LIMCH1: variants seen among roughly 807,000 people sequenced by gnomAD.
LIMCH1 encodes the protein LIM and calponin homology domains 1, also known as LIM and calponin homology domains-containing protein 1.
In LIMCH1, 113 loss-of-function variants were observed where a neutral mutation model predicts 176.5. The observed-to-expected ratio is 0.64, with a 90% CI of 0.55 to 0.75. The LOEUF is 0.75. Among genes scored for constraint, LIMCH1 ranks in the 30% least tolerant of loss-of-function variants. The probability of loss-of-function intolerance (pLI) is 0.00; values close to 1 mark genes in which losing one functional copy is unlikely to be tolerated. For missense variants in LIMCH1, 1,674 were observed against 1,814.9 expected (o/e 0.92, Z 1.41); for synonymous variants, 619 against 645.9 (o/e 0.96, Z 0.63).
chr4:41,420,591 T>A (rs2154130722), intron 1 of LIMCH1, among the ~76,000 whole-genome samples: 1 of 152,290 alleles, frequency 6.6e-6, no homozygotes, highest in South Asian at 2.1e-4. Context: ...GACTTCCCAA[T>A]ATGAACCACG....
At chr4:41,544,777 A>C (rs2079139586) in intron 1 of LIMCH1, among the ~76,000 whole-genome samples, 1 of 152,172 alleles carries the variant, frequency 6.6e-6, no homozygotes, top group Non-Finnish European at 1.5e-5. Context: ...TACTGCCATT[A>C]GGATGCTTAT....
chr4:41,419,109 A>G (rs780549352), intron 1 of LIMCH1, among the ~76,000 whole-genome samples: 4 of 151,672 alleles, frequency 2.6e-5, no homozygotes, highest in Admixed American at 1.3e-4. Flanking sequence ...TACATTTCTA[A>G]GTCACTACGT....
At chr4:41,593,639 C>T (rs1034315307) in intron 1 of LIMCH1, among the ~76,000 whole-genome samples, 23 of 152,152 alleles carry the variant, frequency 1.5e-4, no homozygotes, top group African/African-American at 4.8e-4. Context: ...GGTGAATAAG[C>T]GAATACAGGG....
rs2092498696 is a variant in LIMCH1 at position 41,620,643 on chromosome 4, A to G, written c.678A>G (p.Leu226=). The G allele has an allele frequency of 6.5e-7, 1 of 1,536,178 alleles. No individual in the cohort carries two copies. The highest frequency in any genetic ancestry group is 8.7e-7 in the Non-Finnish European group (1 of 1,146,912). ...CTGAGATCCAAAAGCGCAAAAGGCT[A>G]GAGCAAGCTGGAATCAAGGTCATGC... ...DAAEIQKRKR[L]EQAGIKVMPA... Residue 226 remains leucine (L), a synonymous_variant, in exon 7 of 32, where the codon CTA becomes CTG. Transcript: ENST00000503057.
intron 13 of LIMCH1, among the ~76,000 whole-genome samples, chr4:41,638,174 T>C (rs556357843): frequency 2.6e-5 from 4 of 152,154 alleles, no homozygotes; most frequent in Admixed American, 2.0e-4. Flanking sequence ...TGTTCTAATA[T>C]TTTTCTAATT....
At chr4:41,365,044 A>C (rs1259787896) in intron 1 of LIMCH1, among the ~76,000 whole-genome samples, 2 of 152,234 alleles carry the variant, frequency 1.3e-5, no homozygotes, top group Non-Finnish European at 2.9e-5. Flanking sequence ...TCAGTGCCAA[A>C]CACTTTCTGA....
At chr4:41,572,715 T>C (rs1398901631) in intron 1 of LIMCH1, among the ~76,000 whole-genome samples, 2 of 152,184 alleles carry the variant, frequency 1.3e-5, no homozygotes. Flanking sequence ...AACCAGAGTA[T>C]TGTCACATGG....
upstream of LIMCH1, among the ~76,000 whole-genome samples, chr4:41,534,817 G>A (rs540167398): frequency 2.0e-5 from 3 of 152,152 alleles, no homozygotes; most frequent in South Asian, 4.2e-4. Context: ...AGTGAAAAAA[G>A]GAGTTTGAGA....
intron 2 of LIMCH1, among the ~76,000 whole-genome samples, chr4:41,504,506 T>G (rs1247744882): frequency 6.6e-6 from 1 of 152,254 alleles, no homozygotes; most frequent in Non-Finnish European, 1.5e-5. Flanking sequence ...CCTGCTCACT[T>G]CAAGCCAGTG....
At chr4:41,526,679 C>T (rs183267154) in intron 3 of LIMCH1, among the ~76,000 whole-genome samples, 6 of 152,290 alleles carry the variant, frequency 3.9e-5, no homozygotes, top group African/African-American at 2.4e-5. Context: ...TCCTGAACTC[C>T]AGACCTCGTG....
At chr4:41,613,954 T>C (rs1291394218) in intron 5 of LIMCH1, among the ~76,000 whole-genome samples, 1 of 152,238 alleles carries the variant, frequency 6.6e-6, no homozygotes, top group Non-Finnish European at 1.5e-5. Flanking sequence ...ATCAAGACAC[T>C]GTGCAGACCA....
rs1297237767 is a variant in LIMCH1, at chr4:41,626,811, G to A, written c.829G>A (p.Gly277Ser). 6.5e-7 allele frequency: 1 copy of A among 1,536,210 alleles called. No homozygotes were observed. The change falls in exon 8 of 32, where the codon GGT (glycine) becomes AGT (serine). Residue 277 changes from glycine to serine, a missense_variant. Around this residue, in one of 3 missense-constraint regions of LIMCH1, gnomAD observed 655 missense variants for 692.2 expected, o/e 0.95. Coordinates refer to ENST00000503057, the MANE Select transcript of LIMCH1 (RefSeq NM_001330672.2). ...HQHGNDSEAEGEVVCRLPDLE... is the reference protein window; with the variant it reads ...HQHGNDSEAESEVVCRLPDLE... ...ACATGGCAACGATTCAGAGGCAGAAGGTGAAGTTGTGTGTCGACTGCCTGA... is the reference window on the plus strand; with the variant it reads ...ACATGGCAACGATTCAGAGGCAGAAAGTGAAGTTGTGTGTCGACTGCCTGA...
intron 1 of LIMCH1, among the ~76,000 whole-genome samples, chr4:41,463,948 G>A (rs1285269232): frequency 6.6e-6 from 1 of 151,930 alleles, no homozygotes. Flanking sequence ...AAACTCCAGG[G>A]CTCCAGCTAT....
chr4:41,374,566 A>AT lies in LIMCH1; in HGVS notation c.96+13641dup, dbSNP rs5857794. Reference sequence around the variant, plus strand: ...TGTGTTTAATAATTTTTTTCATTCAATTTTTTTTTTTGTTTTAGTTAGCAT... The same window carrying AT: ...TGTGTTTAATAATTTTTTTCATTCAATTTTTTTTTTTTGTTTTAGTTAGCAT... On this transcript the variant is annotated intron_variant, in intron 1 of 26. Coordinates refer to the LIMCH1 transcript ENST00000313860. Among the ~76,000 whole-genome samples, 157 of 149,112 alleles carry AT rather than the reference A, an allele frequency of 1.1e-3. 1 individual carries two copies. The highest frequency in any genetic ancestry group is 7.0e-3 in the East Asian group (36 of 5,122).
At chr4:41,522,238 A>C (rs527280163) in intron 2 of LIMCH1, among the ~76,000 whole-genome samples, 2 of 152,336 alleles carry the variant, frequency 1.3e-5, no homozygotes, top group East Asian at 3.9e-4. Context: ...GCATAGCTCC[A>C]TATGTATGGA....
At chr4:41,618,308 C>G (rs2092297899) in intron 5 of LIMCH1, among the ~76,000 whole-genome samples, 1 of 152,054 alleles carries the variant, frequency 6.6e-6, no homozygotes, top group Non-Finnish European at 1.5e-5. Context: ...ACTCAGGAAA[C>G]AAGAATACTA....
At chr4:41,429,213 G>A (rs1164328061) in intron 1 of LIMCH1, among the ~76,000 whole-genome samples, 1 of 151,930 alleles carries the variant, frequency 6.6e-6, no homozygotes, top group Non-Finnish European at 1.5e-5. Context: ...TTTGTTTTTT[G>A]GTTTGCTTTA....
chr4:41,463,539 T>C (rs2065675511), intron 1 of LIMCH1, among the ~76,000 whole-genome samples: 2 of 151,456 alleles, frequency 1.3e-5, no homozygotes, highest in African/African-American at 2.4e-5. Flanking sequence ...CTGTATCTGC[T>C]CCCTACCCCT....
chr4:41,397,904 A>G (rs539059477), intron 1 of LIMCH1, among the ~76,000 whole-genome samples: 30 of 152,028 alleles, frequency 2.0e-4, no homozygotes, highest in Non-Finnish European at 3.5e-4. Flanking sequence ...GTGAATTACA[A>G]TTTTTATATT....
Sources: gnomAD v4.1 joint callset for allele counts (sites outside exome capture counted in the v4.1 genomes callset) on GRCh38, gnomAD v4.1.1 for gene constraint, gnomAD v4.1.1 regional missense constraint, MANE v1.5 for transcripts, NCBI Gene and HGNC (gene_info 2026-07-23, HGNC 2026-07-21) for gene names.